Variants in NAGA observed in about 807,000 individuals in gnomAD.
The protein encoded by NAGA is Acetylgalactosaminidase, alpha-N- (alpha-galactosidase B).
In NAGA, 42 loss-of-function variants were observed where a neutral mutation model predicts 45.6. The ratio of observed to expected loss-of-function variants is 0.92; its 90% CI spans 0.72 to 1.19. NAGA has a LOEUF of 1.19. Among genes scored for constraint, NAGA ranks in the 50% most tolerant of loss-of-function variants. The pLI is 0.00. For synonymous variants in NAGA, 176 were observed against 203.1 expected, an observed-to-expected ratio of 0.87 and a Z score of 1.13; for missense variants, 493 against 544.8, an observed-to-expected ratio of 0.90 and a Z score of 0.95.
intron 6 of NAGA, among the ~76,000 whole-genome samples, chr22:42,064,066 C>T (rs189543948): frequency 7.9e-5 from 12 of 151,368 alleles, no homozygotes; most frequent in Admixed American, 1.3e-4. Context: ...AAAGGCCAGG[C>T]GCGGTGGCTC....
At chr22:42,064,200 C>T (rs1481011015) in intron 6 of NAGA, among the ~76,000 whole-genome samples, 4 of 151,784 alleles carry the variant, frequency 2.6e-5, no homozygotes, top group East Asian at 3.9e-4. Context: ...ATTAGCCAGG[C>T]GTGGTGGCGC....
At chr22:42,062,788 T>C in intron 7 of NAGA, 39 bp downstream of exon 7, 6 of 1,603,786 alleles carry the variant, frequency 3.7e-6, no homozygotes, top group Non-Finnish European at 5.1e-6. Context: ...AGAACCCAGT[T>C]CCTCAGCCCT....
intron 4 of NAGA, 25 bp from the exon 5 acceptor site, chr22:42,066,829 G>A (rs1926762946): frequency 6.3e-7 from 1 of 1,588,988 alleles, no homozygotes; most frequent in Non-Finnish European, 8.6e-7. Flanking sequence ...ACCTGTTTCA[G>A]TCCTGAGGAA....
intron 5 of NAGA, among the ~76,000 whole-genome samples, chr22:42,066,117 C>G (rs972808614): frequency 1.3e-5 from 2 of 152,154 alleles, no homozygotes; most frequent in Non-Finnish European, 2.9e-5. Flanking sequence ...GTGCCAGGAG[C>G]CTACCCTGCC....
intron 6 of NAGA, among the ~76,000 whole-genome samples, chr22:42,063,776 A>T (rs886517455): frequency 2.6e-5 from 4 of 152,258 alleles, no homozygotes; most frequent in Admixed American, 2.6e-4. Flanking sequence ...TTCCTTCTTT[A>T]ATCTGGTGTC....
intron 6 of NAGA, 33 bp downstream of exon 6, chr22:42,065,705 T>A (rs1163627325): frequency 6.2e-7 from 1 of 1,612,558 alleles, no homozygotes; most frequent in Non-Finnish European, 8.5e-7. Context: ...TCACAGATGG[T>A]GGGCCTAGGG....
At chr22:42,062,616 C>CTCAG (rs1189753076) in intron 7 of NAGA, among the ~76,000 whole-genome samples, 1 of 152,204 alleles carries the variant, frequency 6.6e-6, no homozygotes, top group Non-Finnish European at 1.5e-5. Flanking sequence ...AGCTGTCCTG[C>CTCAG]TCAGCCCTGC....
At chr22:42,066,022 GC>G in intron 5 of NAGA, 123 bp from the exon 6 acceptor site, 1 of 1,280,096 alleles carries the variant, frequency 7.8e-7, no homozygotes, top group Non-Finnish European at 1.1e-6. Context: ...AAGAGAACAG[GC>G]CCCACCGGCT....
chr22:42,060,896 G>A (rs766501269), intron 8 of NAGA, 28 bp downstream of exon 8: 29 of 1,613,926 alleles, frequency 1.8e-5, no homozygotes, highest in South Asian at 1.2e-4. Flanking sequence ...AAGCCCAGGC[G>A]GGTGGCTGCA....
intron 2 of NAGA, 148 bp downstream of exon 2, chr22:42,068,291 T>A: frequency 7.6e-7 from 1 of 1,312,470 alleles, no homozygotes; most frequent in South Asian, 1.2e-5. Context: ...TGGGGCTAGG[T>A]GTCAGACAGT....
Position 42,068,510 on chromosome 22 carries a change from G to T in NAGA, c.81C>A (p.Pro27=). 6.2e-7 allele frequency: 1 copy of T among 1,614,172 alleles called. No individual in the cohort carries two copies. Among genetic ancestry groups the T allele is most frequent in the East Asian group, 2.2e-5 (1 of 44,886 alleles). The change falls in exon 2 of 9, where the codon CCC becomes CCA. Residue 27 remains proline, a synonymous_variant. Coordinates refer to ENST00000396398, the MANE Select transcript of NAGA (RefSeq NM_000262.3). ...MLDNGLLQTP[P]MGWLAWERFR... is the part of the protein sequence containing the mutation. The stretch of plus-strand genomic sequence containing the variant: ...AGCGTTCCCAGGCCAGCCAGCCCAT[G>T]GGTGGTGTCTGCAGGAGCCCATTGT...
chr22:42,068,662 C>T, intron 1 of NAGA, 88 bp from the exon 2 acceptor site: 1 of 1,544,186 alleles, frequency 6.5e-7, no homozygotes, highest in East Asian at 2.4e-5. Context: ...GTTGCTCAGC[C>T]CTACAGAGGC....
rs1027824988 is a variant in NAGA, at chr22:42,058,733, C to G, written c.*1546G>C. Reference sequence around the variant, plus strand: ...GGCCCCCAACTCCCAAGTCCATGGTCTCAACTCATTTCCCACAAAGCCTTC... The same window carrying G: ...GGCCCCCAACTCCCAAGTCCATGGTGTCAACTCATTTCCCACAAAGCCTTC... On this transcript the variant is annotated 3_prime_UTR_variant, in exon 9 of 9. Coordinates refer to ENST00000396398, the MANE Select transcript of NAGA (RefSeq NM_000262.3). 2 of 152,322 alleles carry G rather than the reference C, an allele frequency of 1.3e-5. No homozygotes were observed. Among genetic ancestry groups the G allele is most frequent in the Non-Finnish European group, 2.9e-5 (2 of 68,142 alleles). The allele number at this position is 152,322 out of a possible 1,614,324, so 9.4% of individuals were successfully genotyped here. A position where few individuals can be genotyped will look rare whatever the true frequency, so the allele number is the denominator to read the frequency against.
chr22:42,070,281 C>T lies in NAGA; in HGVS notation c.16+1G>A. ...CAAGCCACCCCAGCCGGTGTAGGTA[C>T]CTGTCTTCAGCAGCATCGCTCTGGA... On this transcript the variant is annotated splice_donor_variant, in intron 1 of 8. Coordinates refer to ENST00000396398, the MANE Select transcript of NAGA (RefSeq NM_000262.3). LOFTEE classifies it high-confidence loss of function. 3.7e-6 allele frequency: 6 copies of T among 1,614,220 alleles called. No individual in the cohort carries two copies. The highest frequency in any genetic ancestry group is 4.2e-6 in the Non-Finnish European group (5 of 1,180,030).
chr22:42,061,543 C>T (rs2037109144), intron 7 of NAGA, among the ~76,000 whole-genome samples: 2 of 152,214 alleles, frequency 1.3e-5, no homozygotes, highest in South Asian at 4.1e-4. Flanking sequence ...CCAGCTCCAC[C>T]ATCAGCCCCT....
chr22:42,063,111 A>G, intron 6 of NAGA, 87 bp from the exon 7 acceptor site: 1 of 1,326,568 alleles, frequency 7.5e-7, no homozygotes, highest in Non-Finnish European at 1.1e-6. Flanking sequence ...GCCGAGGAAG[A>G]GCAATTAGGG....
At chr22:42,068,698 G>T in intron 1 of NAGA, 124 bp from the exon 2 acceptor site, 2 of 1,343,772 alleles carry the variant, frequency 1.5e-6, no homozygotes, top group Non-Finnish European at 2.0e-6. Context: ...AAGGGAAACT[G>T]GACTCCTGGG....
intron 6 of NAGA, among the ~76,000 whole-genome samples, chr22:42,064,159 G>A (rs1019888600): frequency 6.6e-6 from 1 of 151,528 alleles, no homozygotes; most frequent in African/African-American, 2.4e-5. Flanking sequence ...TGACCAACAC[G>A]GAGAAACCCC....
At chr22:42,070,193 C>G in intron 1 of NAGA, 89 bp downstream of exon 1, 2 of 1,431,918 alleles carry the variant, frequency 1.4e-6, no homozygotes. Context: ...ACCTGTCTCT[C>G]CACATACCCA....
Sources: allele counts gnomAD v4.1 joint callset (sites outside exome capture counted in the v4.1 genomes callset), GRCh38; gene constraint gnomAD v4.1.1; transcripts MANE v1.5; gene names NCBI Gene and HGNC (gene_info 2026-07-23, HGNC 2026-07-21).